N4BP2L2: variants seen among roughly 807,000 people sequenced by gnomAD.
The protein encoded by N4BP2L2 is NEDD4-binding protein 2-like 2.
A neutral mutation model predicts 56.2 loss-of-function variants in N4BP2L2; 50 were observed. That is an observed-to-expected ratio of 0.89 (90% CI 0.71 to 1.13). The LOEUF is 1.13. Among genes scored for constraint, N4BP2L2 ranks in the 50% most tolerant of loss-of-function variants. The probability of loss-of-function intolerance (pLI) is 0.00; values close to 1 mark genes in which losing one functional copy is unlikely to be tolerated. For synonymous variants in N4BP2L2, 203 were observed against 223.6 expected (o/e 0.91, Z 0.82); for missense variants, 689 against 693.8 (o/e 0.99, Z 0.08).
At chr13:32,466,954 G>A (rs1196856629) in intron 6 of N4BP2L2, among the ~76,000 whole-genome samples, 1 of 152,132 alleles carries the variant, frequency 6.6e-6, no homozygotes, top group Admixed American at 6.5e-5. Flanking sequence ...TTCCTTCTTT[G>A]ATAAAGTCCT....
chr13:32,535,686 G>T, intron 2 of N4BP2L2, 83 bp downstream of exon 2: 1 of 1,432,884 alleles, frequency 7.0e-7, no homozygotes, highest in Middle Eastern at 2.6e-4. Context: ...TTACATGCAT[G>T]AGTCACTGCA....
In N4BP2L2 at chr13:32,443,321, C is replaced by T. The variant is rs980523311; in HGVS notation, c.1171G>A (p.Ala391Thr). Residue 391 changes from alanine to threonine, a missense_variant, in exon 7 of 10, where the codon GCA becomes ACA. Transcript: ENST00000357505. ...CTGTCAGGACCAGCCAACTTACATG[C>T]TCTATCTTTCTTTGGTCTCTGTTCA... 1.9e-6 allele frequency: 3 copies of T among 1,613,882 alleles called. No homozygotes were observed. The African/African-American group carries it at 4.0e-5, about 22-fold the overall frequency.
Position 32,522,274 on chromosome 13 carries a change from A to G in N4BP2L2, c.1385-4T>C. ...CCCTGATCGATAGCTTGTTTTGCTG[A>G]AATAAAATATAAATTTAAAAATAAA... On this transcript the variant is annotated splice_polypyrimidine_tract_variant and splice_region_variant and intron_variant, in intron 3 of 5. Coordinates refer to ENST00000267068, the Ensembl canonical transcript of N4BP2L2. 6.7e-7 allele frequency: 1 copy of G among 1,484,908 alleles called. No individual in the cohort carries two copies. Among genetic ancestry groups the G allele is most frequent in the Middle Eastern group, 1.8e-4 (1 of 5,624 alleles). The allele number at this position is 1,484,908 out of a possible 1,614,324, so 92.0% of individuals were successfully genotyped here. A position where few individuals can be genotyped will look rare whatever the true frequency, so the allele number is the denominator to read the frequency against.
At chr13:32,504,020 A>T (rs1017298615) in intron 6 of N4BP2L2, among the ~76,000 whole-genome samples, 5 of 152,164 alleles carry the variant, frequency 3.3e-5, no homozygotes, top group South Asian at 4.1e-4. Context: ...AATAAATAAA[A>T]AAGAGTCTTG....
chr13:32,517,090 G>A (rs1169211539), exon 6 of N4BP2L2: 9 of 980,406 alleles, frequency 9.2e-6, no homozygotes, highest in Non-Finnish European at 1.1e-5. Context: ...ACAGAGAGAA[G>A]TAAAACATTA....
chr13:32,469,536 A>G (rs2081910933), intron 6 of N4BP2L2, among the ~76,000 whole-genome samples: 1 of 152,160 alleles, frequency 6.6e-6, no homozygotes, highest in Non-Finnish European at 1.5e-5. Flanking sequence ...CAGAAAATAG[A>G]GCATAAGCAG....
chr13:32,471,484 C>T (rs945274991), intron 6 of N4BP2L2, among the ~76,000 whole-genome samples: 2 of 152,214 alleles, frequency 1.3e-5, no homozygotes, highest in East Asian at 1.9e-4. Context: ...CTGCTGTCAC[C>T]GTGCACAGGG....
rs57860587 is a variant in N4BP2L2 at position 32,530,648 on chromosome 13, A to G, written c.1260-3116T>C. ...CTATGACCTCATTTAATCCTCATAA[A>G]AGCCTGCCAATTTGATAATAAACTA... On this transcript the variant is annotated intron_variant, in intron 2 of 5. Transcript: ENST00000267068. Among the ~76,000 whole-genome samples the G allele has an allele frequency of 6.9e-3, 1,051 of 152,244 alleles. 15 individuals are homozygous for G. Among genetic ancestry groups the G allele is most frequent in the African/African-American group, 0.024 (989 of 41,526 alleles).
At chr13:32,491,047 G>A (rs1365325195) in intron 6 of N4BP2L2, among the ~76,000 whole-genome samples, 1 of 149,982 alleles carries the variant, frequency 6.7e-6, no homozygotes, top group Non-Finnish European at 1.5e-5. Flanking sequence ...ACCTACTAAT[G>A]CCTCCAAGGT....
chr13:32,468,273 A>AAC (rs995015698), intron 6 of N4BP2L2, among the ~76,000 whole-genome samples: 30 of 152,094 alleles, frequency 2.0e-4, no homozygotes, highest in African/African-American at 7.0e-4. Flanking sequence ...AGAGACAAAA[A>AAC]AAAAAAAAGA....
chr13:32,510,157 A>C (rs916582944), downstream of N4BP2L2: 1 of 152,108 alleles, frequency 6.6e-6, no homozygotes, highest in African/African-American at 2.4e-5. Context: ...AATTTCCATG[A>C]TGTCTACTAC....
intron 2 of N4BP2L2, among the ~76,000 whole-genome samples, chr13:32,533,506 G>C (rs918728759): frequency 2.0e-5 from 3 of 148,628 alleles, no homozygotes; most frequent in Non-Finnish European, 3.0e-5. Context: ...CCAAACATAA[G>C]CATTACTAAT....
rs117678407 is a variant in N4BP2L2, at chr13:32,517,980, C to T, written c.1574G>A (p.Arg525Gln). ...ATCCAACATCTGAGCAATCTTCTTT[C>T]GAGACACACCATGTTTATTCCTCCT... The change falls in exon 6 of 6, where the codon CGA (arginine) becomes CAA (glutamine). Residue 525 changes from arginine (R) to glutamine (Q), a missense_variant. Arg to Gln is a conservative substitution (Grantham distance 43). Transcript: ENST00000267068. 1,785 of 1,613,418 alleles carry T rather than the reference C, an allele frequency of 1.1e-3. 1 individual carries two copies. Among genetic ancestry groups the T allele is most frequent in the Non-Finnish European group, 1.4e-3 (1,672 of 1,179,902 alleles).
At chr13:32,517,714 T>C in exon 6 of N4BP2L2, 2 of 1,490,220 alleles carry the variant, frequency 1.3e-6, no homozygotes, top group Non-Finnish European at 8.9e-7. Context: ...TGTAGCCTTT[T>C]TTTATTTGAA....
In N4BP2L2 at chr13:32,517,563, C is replaced by T. The variant is rs538414503; in HGVS notation, c.*239G>A. 1.4e-3 allele frequency: 1,823 copies of T among 1,264,240 alleles called. 2 individuals carry two copies. Among genetic ancestry groups the T allele is most frequent in the Non-Finnish European group, 1.7e-3 (1,700 of 1,000,922 alleles). The allele number at this position is 1,264,240 out of a possible 1,614,324, so 78.3% of individuals were successfully genotyped here. On this transcript the variant is annotated 3_prime_UTR_variant, in exon 6 of 6. Coordinates refer to ENST00000267068, the Ensembl canonical transcript of N4BP2L2. ...AGCTCCTACCCACCACTCTATTACTCAGGTGCTTCCATAACAGCCAAGAGT... is the reference window on the plus strand; with the variant it reads ...AGCTCCTACCCACCACTCTATTACTTAGGTGCTTCCATAACAGCCAAGAGT...
chr13:32,530,005 C>CGT (rs1220483465), intron 2 of N4BP2L2, among the ~76,000 whole-genome samples: 1 of 152,090 alleles, frequency 6.6e-6, no homozygotes, highest in Non-Finnish European at 1.5e-5. Flanking sequence ...GGATTACAGG[C>CGT]GTGAGCCACC....
intron 5 of N4BP2L2, among the ~76,000 whole-genome samples, chr13:32,518,942 T>C (rs1310048009): frequency 6.6e-6 from 1 of 152,218 alleles, no homozygotes; most frequent in Non-Finnish European, 1.5e-5. Flanking sequence ...CTCATAGTTT[T>C]CTGTAACTTG....
exon 6 of N4BP2L2, chr13:32,516,643 A>G (rs1176861168): frequency 1.3e-5 from 2 of 153,148 alleles, no homozygotes; most frequent in African/African-American, 2.4e-5. Context: ...AAACATATAA[A>G]GAATCATAAT....
chr13:32,460,139 A>G (rs2079766931), intron 6 of N4BP2L2, among the ~76,000 whole-genome samples: 1 of 152,208 alleles, frequency 6.6e-6, no homozygotes, highest in Non-Finnish European at 1.5e-5. Context: ...AAAACTGGGC[A>G]CAGAAGGAAC....
Sources: gnomAD v4.1 joint callset for allele counts (sites outside exome capture counted in the v4.1 genomes callset) on GRCh38, gnomAD v4.1.1 for gene constraint, MANE v1.5 for transcripts, NCBI Gene and HGNC (gene_info 2026-07-23, HGNC 2026-07-21) for gene names.